The following SMIM13 variants were observed in gnomAD, a reference collection of about 807,000 sequenced individuals.
The protein encoded by SMIM13 is small integral membrane protein 13.
Under a neutral mutation model 5.9 loss-of-function variants are expected in SMIM13, and 3 were observed. That is an observed-to-expected ratio of 0.51 (90% CI 0.23 to 1.31). SMIM13 has a LOEUF of 1.31. SMIM13 is among the 40% of genes most tolerant of loss of function. SMIM13 has a pLI of 0.18. For missense variants in SMIM13, 85 were observed against 109.9 expected (o/e 0.77, Z 1.01); for synonymous variants, 55 against 46.0 (o/e 1.19, Z -0.79).
At position 11,094,249 on chromosome 6, in the gene SMIM13, C is replaced by T. The variant is rs1473053293; in HGVS notation, c.-65C>T. 1.5e-5 allele frequency: 16 copies of T among 1,032,684 alleles called. No homozygotes were observed. In the Admixed American group the frequency reaches 4.2e-4, roughly 27 times the overall value. 64.0% of individuals were successfully genotyped at this position (1,032,684 alleles called of 1,614,324 possible). ...GCCCGCCGCTGAAGCGCAGGACGCG[C>T]CGCCGCCCGCGCTCACCGCCGTCCG... On this transcript the variant is annotated 5_prime_UTR_variant, in exon 1 of 2. Transcript: ENST00000416247.
chr6:11,105,342 G>C (rs1581912513), intron 1 of SMIM13: 1 of 1,528,646 alleles, frequency 6.5e-7, no homozygotes. Flanking sequence ...CACAAAACGA[G>C]CTGCCAATGG....
chr6:11,100,643 A>C (rs1258018442), intron 1 of SMIM13, among the ~76,000 whole-genome samples: 1 of 152,170 alleles, frequency 6.6e-6, no homozygotes, highest in Admixed American at 6.5e-5. Context: ...GAAAGAATGC[A>C]TGAAAAATTT....
In SMIM13 at chr6:11,138,556, G is replaced by A. The variant is rs991404436; in HGVS notation, c.*3954G>A. 1 of 151,876 alleles carries A rather than the reference G, an allele frequency of 6.6e-6. No homozygotes were observed. 9.4% of individuals were successfully genotyped at this position (151,876 alleles called of 1,614,324 possible). A position where few individuals can be genotyped will look rare whatever the true frequency, so the allele number is the denominator to read the frequency against. ...TAGGTTTATAAATAATTAGAATTAC[G>A]TGTTTTAATAGTACCTTTGTATATA... On this transcript the variant is annotated 3_prime_UTR_variant, in exon 2 of 2. Coordinates refer to ENST00000416247, the MANE Select transcript of SMIM13 (RefSeq NM_001135575.2).
Position 11,137,130 on chromosome 6 carries a change from A to G in SMIM13, c.*2528A>G, listed in dbSNP as rs1758526351. On this transcript the variant is annotated 3_prime_UTR_variant, in exon 2 of 2. Coordinates refer to ENST00000416247, the MANE Select transcript of SMIM13 (RefSeq NM_001135575.2). ...ATTTATTGACATTTATGCTTCAAGC[A>G]TGTCTTATTTTATGTAATTTTAAGA... 1 of 152,162 alleles carries G rather than the reference A, an allele frequency of 6.6e-6. No homozygotes were observed. Among genetic ancestry groups the G allele is most frequent in the Admixed American group, 6.5e-5 (1 of 15,268 alleles). The allele number at this position is 152,162 out of a possible 1,614,324, so 9.4% of individuals were successfully genotyped here.
intron 1 of SMIM13, among the ~76,000 whole-genome samples, chr6:11,106,488 G>C (rs1758085361): frequency 6.6e-6 from 1 of 152,220 alleles, no homozygotes; most frequent in Admixed American, 6.5e-5. Flanking sequence ...ATTTGCCTTA[G>C]ACTGTCTCTT....
chr6:11,125,930 C>G (rs1293560325), intron 1 of SMIM13, among the ~76,000 whole-genome samples: 1 of 152,198 alleles, frequency 6.6e-6, no homozygotes, highest in African/African-American at 2.4e-5. Context: ...TAATCTCTCT[C>G]TCTACCTCCT....
intron 1 of SMIM13, among the ~76,000 whole-genome samples, chr6:11,115,335 C>T (rs939015025): frequency 2.6e-5 from 4 of 152,190 alleles, no homozygotes; most frequent in South Asian, 2.1e-4. Context: ...AAGCTGCAGT[C>T]AGGGTGTTGG....
At chr6:11,122,944 C>T (rs1438921769) in intron 1 of SMIM13, among the ~76,000 whole-genome samples, 4 of 152,126 alleles carry the variant, frequency 2.6e-5, no homozygotes, top group Non-Finnish European at 5.9e-5. Flanking sequence ...AGTGGCAGCT[C>T]ACACCTGTAA....
chr6:11,127,824 T>C (rs1758397549), intron 1 of SMIM13, among the ~76,000 whole-genome samples: 1 of 152,080 alleles, frequency 6.6e-6, no homozygotes, highest in Non-Finnish European at 1.5e-5. Context: ...TAACTCAGCT[T>C]GTGGTGAGAT....
chr6:11,095,797 TAG>T (rs1195052431), intron 1 of SMIM13, among the ~76,000 whole-genome samples: 2 of 152,224 alleles, frequency 1.3e-5, no homozygotes, highest in African/African-American at 4.8e-5. Context: ...AGAAGAATAT[TAG>T]AATATTGAAC....
At position 11,135,948 on chromosome 6, in the gene SMIM13, A is replaced by C. The variant is rs920136828; in HGVS notation, c.*1346A>C. ...AATTTATTTTTCTTTTTAAGATAGC[A>C]GTTATTTATTGGGGAATTTGATTCT... On this transcript the variant is annotated 3_prime_UTR_variant, in exon 2 of 2. Coordinates refer to ENST00000416247, the MANE Select transcript of SMIM13 (RefSeq NM_001135575.2). 4 of 152,154 alleles carry C rather than the reference A, an allele frequency of 2.6e-5. No homozygotes were observed. The highest frequency in any genetic ancestry group is 9.7e-5 in the African/African-American group (4 of 41,436). The allele number at this position is 152,154 out of a possible 1,614,324, so 9.4% of individuals were successfully genotyped here. A position where few individuals can be genotyped will look rare whatever the true frequency, so the allele number is the denominator to read the frequency against.
rs1581923609 is a variant in SMIM13 at position 11,135,811 on chromosome 6, A to G, written c.*1209A>G. The G allele has an allele frequency of 6.6e-6, 1 of 152,384 alleles. No individual in the cohort carries two copies. The highest frequency in any genetic ancestry group is 1.9e-4 in the East Asian group (1 of 5,192). 9.4% of individuals were successfully genotyped at this position (152,384 alleles called of 1,614,324 possible). ...TCAATAAATATAAACATTTTCTGTG[A>G]TATGAAAGCATTGTGTCATAGTTTA... On this transcript the variant is annotated 3_prime_UTR_variant, in exon 2 of 2. Transcript: ENST00000416247.
chr6:11,099,997 A>G (rs1156236766), intron 1 of SMIM13, among the ~76,000 whole-genome samples: 1 of 152,120 alleles, frequency 6.6e-6, no homozygotes, highest in Non-Finnish European at 1.5e-5. Flanking sequence ...TTTTGAAGTT[A>G]ATACATAATT....
chr6:11,097,948 GC>G (rs974089670), intron 1 of SMIM13, among the ~76,000 whole-genome samples: 2 of 150,946 alleles, frequency 1.3e-5, no homozygotes, highest in African/African-American at 4.9e-5. Context: ...CCTGCTCGCC[GC>G]CCCCCCACCC....
At chr6:11,124,529 G>A (rs79782250) in intron 1 of SMIM13, among the ~76,000 whole-genome samples, 5,069 of 152,072 alleles carry the variant, frequency 0.033, 195 homozygotes, top group East Asian at 0.12. Flanking sequence ...ACCTAGCAGT[G>A]GGATTGCTGG....
chr6:11,103,724 A>G (rs1217278232), intron 1 of SMIM13: 5 of 1,551,522 alleles, frequency 3.2e-6, no homozygotes, highest in East Asian at 4.9e-5. Context: ...TATTGCGAGG[A>G]TGGCGTCCTG....
chr6:11,105,600 A>G, intron 1 of SMIM13: 1 of 368,106 alleles, frequency 2.7e-6, no homozygotes. Flanking sequence ...GGTGTGATGG[A>G]TCTAGCTGGC....
intron 1 of SMIM13, among the ~76,000 whole-genome samples, chr6:11,113,022 G>A (rs141645493): frequency 5.9e-4 from 89 of 152,088 alleles, no homozygotes; most frequent in Middle Eastern, 6.8e-3. Context: ...GTAGAGACGG[G>A]GTTTCACCAT....
At position 11,094,012 on chromosome 6, in the gene SMIM13, CTG is replaced by C. The variant is rs1757886851; in HGVS notation, c.-301_-300del. On this transcript the variant is annotated 5_prime_UTR_variant, in exon 1 of 2. It removes the in-frame stop codon of an upstream open reading frame in the 5' UTR. Transcript: ENST00000416247. ...GAAGCGCATCCGACCGCTGGGGTCT[CTG>C]GGTGCCGCGGCCTCGGCTCTCCGGG... 6.6e-6 allele frequency: 1 copy of C among 152,450 alleles called. No homozygotes were observed. Among genetic ancestry groups the C allele is most frequent in the Non-Finnish European group, 1.5e-5 (1 of 68,212 alleles). 9.4% of individuals were successfully genotyped at this position (152,450 alleles called of 1,614,324 possible). A position where few individuals can be genotyped will look rare whatever the true frequency, so the allele number is the denominator to read the frequency against.
Sources: allele counts gnomAD v4.1 joint callset (sites outside exome capture counted in the v4.1 genomes callset), GRCh38; gene constraint gnomAD v4.1.1; transcripts MANE v1.5; gene names NCBI Gene and HGNC (gene_info 2026-07-23, HGNC 2026-07-21).